VPS41: variants seen among roughly 807,000 people sequenced by gnomAD.
VPS41 encodes the protein VPS41 subunit of HOPS complex, also known as vacuolar protein sorting-associated protein 41 homolog.
VPS41 carries 85 observed loss-of-function variants against 130.9 expected under a neutral mutation model. The observed-to-expected ratio is 0.65, with a 90% CI of 0.55 to 0.78. VPS41 has a LOEUF of 0.78. Among genes scored for constraint, VPS41 ranks in the 30% least tolerant of loss-of-function variants. The probability of loss-of-function intolerance (pLI) is 0.00; values close to 1 mark genes in which losing one functional copy is unlikely to be tolerated. For synonymous variants in VPS41, 335 were observed against 332.9 expected, an observed-to-expected ratio of 1.01 and a Z score of -0.07; for missense variants, 874 against 1,018.7, an observed-to-expected ratio of 0.86 and a Z score of 1.93.
chr7:38,731,326 G>A (rs1333997850), intron 25 of VPS41, among the ~76,000 whole-genome samples: 1 of 152,128 alleles, frequency 6.6e-6, no homozygotes, highest in Non-Finnish European at 1.5e-5. Context: ...CATAGGACAA[G>A]GCATTATGTT....
At chr7:38,783,853 T>A (rs1053136152) in intron 10 of VPS41, among the ~76,000 whole-genome samples, 5 of 149,236 alleles carry the variant, frequency 3.4e-5, no homozygotes, top group Non-Finnish European at 7.6e-5. Context: ...GTTATCTCAC[T>A]TCTTATCTGT....
chr7:38,828,294 C>G (rs758222020), intron 5 of VPS41, among the ~76,000 whole-genome samples: 1 of 105,334 alleles, frequency 9.5e-6, no homozygotes, highest in African/African-American at 3.9e-5. Flanking sequence ...AAATGTAGAA[C>G]TGCAGAAAAG....
At chr7:38,821,706 C>CAAAAAAAAAAAA (rs10669199) in intron 5 of VPS41, among the ~76,000 whole-genome samples, 1 of 117,528 alleles carries the variant, frequency 8.5e-6, no homozygotes, top group Non-Finnish European at 1.7e-5. Flanking sequence ...GACTCCGTCT[C>CAAAAAAAAAAAA]AAAAAAAAAA....
intron 25 of VPS41, among the ~76,000 whole-genome samples, chr7:38,731,264 A>AG (rs1439194629): frequency 6.6e-6 from 1 of 152,250 alleles, no homozygotes; most frequent in Non-Finnish European, 1.5e-5. Flanking sequence ...GAAGGAAGAC[A>AG]GTACAAGATT....
At chr7:38,906,139 T>C (rs1056893030) in intron 1 of VPS41, among the ~76,000 whole-genome samples, 18 of 152,042 alleles carry the variant, frequency 1.2e-4, no homozygotes, top group African/African-American at 3.9e-4. Context: ...AAAAAAATGG[T>C]ATAATAAAGC....
intron 8 of VPS41, chr7:38,796,298 C>T: frequency 3.0e-6 from 1 of 335,398 alleles, no homozygotes; most frequent in Non-Finnish European, 5.8e-6. Context: ...AAATGCAGCA[C>T]TGAAAATTAC....
intron 1 of VPS41, among the ~76,000 whole-genome samples, chr7:38,901,600 C>A (rs1395448421): frequency 1.3e-5 from 2 of 152,148 alleles, no homozygotes; most frequent in African/African-American, 4.8e-5. Flanking sequence ...ACCAAGCCAT[C>A]GTGAGAGATC....
At chr7:38,729,558 T>A (rs1795616458) in intron 25 of VPS41, among the ~76,000 whole-genome samples, 1 of 152,204 alleles carries the variant, frequency 6.6e-6, no homozygotes, top group African/African-American at 2.4e-5. Context: ...ATAGCTTTTG[T>A]TTCTTTACAC....
At chr7:38,757,191 G>T (rs1783812635) in intron 18 of VPS41, among the ~76,000 whole-genome samples, 1 of 152,052 alleles carries the variant, frequency 6.6e-6, no homozygotes, top group Non-Finnish European at 1.5e-5. Flanking sequence ...CTCTCATGTT[G>T]CCAAAATTTA....
intron 4 of VPS41, among the ~76,000 whole-genome samples, chr7:38,853,418 C>CAAA (rs57368681): frequency 0.016 from 1,249 of 78,612 alleles, 53 homozygotes; most frequent in Admixed American, 0.025. Flanking sequence ...GACTCCTTCT[C>CAAA]AAAAAAAAAA....
intron 18 of VPS41, 152 bp from the exon 19 acceptor site, chr7:38,757,134 G>T (rs1783811158): frequency 1.5e-6 from 1 of 649,750 alleles, no homozygotes; most frequent in African/African-American, 1.9e-5. Flanking sequence ...TTTTGAATAG[G>T]ATTTAACTAT....
chr7:38,849,698 T>C (rs1785808955), intron 4 of VPS41, among the ~76,000 whole-genome samples: 1 of 152,180 alleles, frequency 6.6e-6, no homozygotes, highest in Non-Finnish European at 1.5e-5. Flanking sequence ...TCTGCTGATG[T>C]GCTCCTCTGG....
At chr7:38,734,010 C>G (rs538686964) in intron 25 of VPS41, among the ~76,000 whole-genome samples, 1 of 152,050 alleles carries the variant, frequency 6.6e-6, no homozygotes, top group African/African-American at 2.4e-5. Context: ...CACTTGAGCC[C>G]GGGAGGTCAA....
At chr7:38,727,752 C>T (rs1360845784) in intron 27 of VPS41, among the ~76,000 whole-genome samples, 2 of 152,144 alleles carry the variant, frequency 1.3e-5, no homozygotes. Flanking sequence ...AACATGAGGT[C>T]AACTAGGTCT....
chr7:38,795,930 C>T (rs889552513), intron 8 of VPS41, among the ~76,000 whole-genome samples: 4 of 152,120 alleles, frequency 2.6e-5, no homozygotes, highest in African/African-American at 9.7e-5. Context: ...CTAATTTTAT[C>T]GTTCCACCAT....
intron 2 of VPS41, among the ~76,000 whole-genome samples, chr7:38,885,915 C>T (rs963544983): frequency 6.6e-6 from 1 of 151,894 alleles, no homozygotes; most frequent in Non-Finnish European, 1.5e-5. Context: ...TGGATGGGCT[C>T]AATAACAGTG....
At chr7:38,730,448 T>A (rs1795640452) in intron 25 of VPS41, among the ~76,000 whole-genome samples, 1 of 152,188 alleles carries the variant, frequency 6.6e-6, no homozygotes, top group African/African-American at 2.4e-5. Context: ...TAGATTAAAG[T>A]TCTATGCCTG....
At chr7:38,821,597 T>G (rs1017238928) in intron 5 of VPS41, among the ~76,000 whole-genome samples, 2 of 150,462 alleles carry the variant, frequency 1.3e-5, no homozygotes, top group Non-Finnish European at 2.9e-5. Context: ...TAGTCCCAGC[T>G]ACTCAGGAGG....
chr7:38,779,863 T>C (rs1024192343), intron 10 of VPS41, among the ~76,000 whole-genome samples: 1 of 152,230 alleles, frequency 6.6e-6, no homozygotes, highest in Admixed American at 6.5e-5. Flanking sequence ...ACTGACTTTG[T>C]AAAATATATT....
Sources: allele counts gnomAD v4.1 joint callset (sites outside exome capture counted in the v4.1 genomes callset), GRCh38; gene constraint gnomAD v4.1.1; transcripts MANE v1.5; gene names NCBI Gene and HGNC (gene_info 2026-07-23, HGNC 2026-07-21).